Variants in GALNT14 observed in about 807,000 individuals in gnomAD.
The protein encoded by GALNT14 is UDP-GalNAc:polypeptide N-acetylgalactosaminyltransferase 14.
In GALNT14, 60 loss-of-function variants were observed where a neutral mutation model predicts 77.5. That is an observed-to-expected ratio of 0.77 (90% CI 0.63 to 0.96). GALNT14 has a LOEUF of 0.96. Ranked by LOEUF, GALNT14 falls within the 40% of genes least tolerant of loss-of-function variation. GALNT14 has a pLI of 0.00. For synonymous variants in GALNT14, 280 were observed against 281.7 expected (o/e 0.99, Z 0.06); for missense variants, 710 against 731.0 (o/e 0.97, Z 0.33).
At chr2:31,021,390 C>T (rs1218215272) in intron 1 of GALNT14, among the ~76,000 whole-genome samples, 3 of 150,558 alleles carry the variant, frequency 2.0e-5, no homozygotes, top group African/African-American at 2.4e-5. Context: ...CTGCAACCTC[C>T]GCCTCCTGGG....
rs567512620 is a variant in GALNT14, at chr2:31,050,409, C to T, written c.130-57402G>A. 2.5e-3 allele frequency among the ~76,000 whole-genome samples: 378 copies of T among 152,220 alleles called. 1 individual carries two copies. Among genetic ancestry groups the T allele is most frequent in the Admixed American group, 3.7e-3 (57 of 15,298 alleles). ...GATGGACAGGCATGACCAGCAGCTT[C>T]CGGTCAGTGTCACGTAGATGGGGGA... On this transcript the variant is annotated intron_variant, in intron 1 of 14. Coordinates refer to ENST00000349752, the MANE Select transcript of GALNT14 (RefSeq NM_024572.4).
intron 11 of GALNT14, among the ~76,000 whole-genome samples, chr2:30,927,695 A>G (rs1016138723): frequency 2.0e-5 from 3 of 152,216 alleles, no homozygotes; most frequent in Admixed American, 1.3e-4. Flanking sequence ...TCTGTAAAAC[A>G]GAAGGTGTCA....
At chr2:31,038,084 A>ATAT (rs1558514604) in intron 1 of GALNT14, among the ~76,000 whole-genome samples, 3 of 52,650 alleles carry the variant, frequency 5.7e-5, no homozygotes, top group Non-Finnish European at 9.7e-5. Context: ...ATATATATAT[A>ATAT]TTTTTTTTTT....
chr2:30,925,976 C>T (rs1028483549), intron 11 of GALNT14, among the ~76,000 whole-genome samples: 3 of 152,148 alleles, frequency 2.0e-5, no homozygotes, highest in Admixed American at 6.5e-5. Context: ...CCACACCTCT[C>T]GGCACCCACC....
chr2:31,096,637 A>C (rs1279786112), intron 1 of GALNT14, among the ~76,000 whole-genome samples: 1 of 152,170 alleles, frequency 6.6e-6, no homozygotes, highest in Non-Finnish European at 1.5e-5. Context: ...GCTTTGTAGA[A>C]GTGTAACCTG....
At chr2:30,903,938 C>G in the GALNT14 span, among the ~76,000 whole-genome samples, 1 of 152,200 alleles carries the variant, frequency 6.6e-6, no homozygotes, top group Admixed American at 6.5e-5. Flanking sequence ...TAACCCATTC[C>G]TAGGGCACAC....
At position 30,955,682 on chromosome 2, in the gene GALNT14, A is replaced by C; in HGVS notation, c.590T>G (p.Phe197Cys). ...GTTCACCTCACAGTGGCTGTCGAGG[A>C]AAGTCAGAGTGGTGCCCTGGGCGAT... is the stretch of plus-strand genomic sequence containing the variant. Reference protein sequence around the residue: ...ADIAQGTTLTFLDSHCEVNRD... With the variant: ...ADIAQGTTLTCLDSHCEVNRD... The change falls in exon 6 of 15, where the codon TTC (phenylalanine) becomes TGC (cysteine). Residue 197 changes from phenylalanine (F) to cysteine (C), a missense_variant. Transcript: ENST00000349752. 6.2e-7 allele frequency: 1 copy of C among 1,614,188 alleles called. No homozygotes were observed. The highest frequency in any genetic ancestry group is 8.5e-7 in the Non-Finnish European group (1 of 1,180,032).
intron 1 of GALNT14, among the ~76,000 whole-genome samples, chr2:31,055,416 C>T (rs72854846): frequency 0.01 from 1,549 of 152,344 alleles, 19 homozygotes; most frequent in African/African-American, 0.035. Flanking sequence ...CTTGTCATTT[C>T]ACTTGATCAA....
chr2:30,924,793 A>G lies in GALNT14; in HGVS notation c.1182T>C (p.Asn394=). ...NVESRLDLRK[N]LRCQSFKWYL... Reference sequence around the variant, plus strand: ...ACCACTTGAAGCTCTGGCAGCGCAGATTCTTCCTCAGGTCCAATCTGCTCT... The same window carrying G: ...ACCACTTGAAGCTCTGGCAGCGCAGGTTCTTCCTCAGGTCCAATCTGCTCT... Residue 394 remains asparagine (N), a synonymous_variant, in exon 12 of 15, where the codon AAT becomes AAC. Coordinates refer to ENST00000349752, the MANE Select transcript of GALNT14 (RefSeq NM_024572.4). 6.2e-7 allele frequency: 1 copy of G among 1,614,094 alleles called. No homozygotes were observed. The highest frequency in any genetic ancestry group is 8.5e-7 in the Non-Finnish European group (1 of 1,180,024).
chr2:30,942,181 A>T lies in GALNT14; in HGVS notation c.931+20T>A, dbSNP rs1289114925. ...GGTGTATAGAACAGCATAGGTCAGGATGCAGAGGCAGGGACTCACCAAAGT... is the reference window on the plus strand; with the variant it reads ...GGTGTATAGAACAGCATAGGTCAGGTTGCAGAGGCAGGGACTCACCAAAGT... On this transcript the variant is annotated intron_variant, in intron 9 of 14. Transcript: ENST00000349752. The T allele has an allele frequency of 4.5e-6, 7 of 1,558,234 alleles. No homozygotes were observed. In the South Asian group the frequency reaches 7.8e-5, roughly 17 times the overall value.
chr2:30,924,772 C>A lies in GALNT14; in HGVS notation c.1203G>T (p.Lys401Asn), dbSNP rs753730118. The change falls in exon 12 of 15, where the codon AAG (lysine) becomes AAT (asparagine). Residue 401 changes from lysine (K) to asparagine (N), a missense_variant. Coordinates refer to ENST00000349752, the MANE Select transcript of GALNT14 (RefSeq NM_024572.4). ...CAGGGTAGATATTCTCCAGGTACCA[C>A]TTGAAGCTCTGGCAGCGCAGATTCT... is the stretch of plus-strand genomic sequence containing the variant. ...LRKNLRCQSF[K>N]WYLENIYPEL... 1.9e-6 allele frequency: 3 copies of A among 1,614,032 alleles called. No homozygotes were observed. The highest frequency in any genetic ancestry group is 2.5e-6 in the Non-Finnish European group (3 of 1,180,030).
At chr2:31,068,461 A>T (rs1386412795) in intron 1 of GALNT14, among the ~76,000 whole-genome samples, 1 of 150,230 alleles carries the variant, frequency 6.7e-6, no homozygotes, top group Non-Finnish European at 1.5e-5. Context: ...CACTCCAGAG[A>T]TCACGCCACT....
chr2:31,132,963 C>G (rs1244418795), intron 1 of GALNT14, among the ~76,000 whole-genome samples: 3 of 152,132 alleles, frequency 2.0e-5, no homozygotes, highest in Non-Finnish European at 2.9e-5. Context: ...TAGCGCCACC[C>G]AGATCGATAA....
At chr2:31,092,760 A>C (rs1676816775) in intron 1 of GALNT14, among the ~76,000 whole-genome samples, 1 of 152,224 alleles carries the variant, frequency 6.6e-6, no homozygotes, top group Non-Finnish European at 1.5e-5. Context: ...ACAAATGTAC[A>C]GTGTAGTGAA....
At chr2:31,005,486 A>T (rs1573139565) in intron 1 of GALNT14, among the ~76,000 whole-genome samples, 1 of 152,242 alleles carries the variant, frequency 6.6e-6, no homozygotes, top group East Asian at 1.9e-4. Context: ...TTCAGAAGTG[A>T]GATGAGACAT....
At chr2:30,938,380 A>ACTCTCT (rs1488002190) in intron 9 of GALNT14, among the ~76,000 whole-genome samples, 29 of 144,432 alleles carry the variant, frequency 2.0e-4, no homozygotes, top group African/African-American at 8.4e-4. Flanking sequence ...ACACACACAC[A>ACTCTCT]CACACTCTCT....
intron 9 of GALNT14, among the ~76,000 whole-genome samples, chr2:30,939,186 G>A (rs937445594): frequency 1.3e-5 from 2 of 152,198 alleles, no homozygotes; most frequent in Non-Finnish European, 2.9e-5. Context: ...CACAGAAGAA[G>A]AAAGAGACAA....
At chr2:30,998,221 C>T (rs192608749) in intron 1 of GALNT14, among the ~76,000 whole-genome samples, 3 of 152,282 alleles carry the variant, frequency 2.0e-5, no homozygotes, top group East Asian at 1.9e-4. Flanking sequence ...ATGGCACATC[C>T]GTTAAGTTGC....
chr2:30,910,832 C>T lies in GALNT14; in HGVS notation c.*69G>A, dbSNP rs933435027. The T allele has an allele frequency of 1.3e-6, 2 of 1,542,596 alleles. No individual in the cohort carries two copies. The highest frequency in any genetic ancestry group is 8.8e-7 in the Non-Finnish European group (1 of 1,139,844). On this transcript the variant is annotated 3_prime_UTR_variant, in exon 15 of 15. Coordinates refer to ENST00000349752, the MANE Select transcript of GALNT14 (RefSeq NM_024572.4). ...GAGGTGGTTGCAGGCTGCTTGCTGC[C>T]CAGTTTCCAGTCTGTTCTGGTCCAG...
Sources: gnomAD v4.1 joint callset for allele counts (sites outside exome capture counted in the v4.1 genomes callset) on GRCh38, gnomAD v4.1.1 for gene constraint, MANE v1.5 for transcripts, NCBI Gene and HGNC (gene_info 2026-07-23, HGNC 2026-07-21) for gene names.